The following XDH variants were observed in gnomAD, a reference collection of about 807,000 sequenced individuals.
The protein encoded by XDH is xanthine dehydrogenase/oxidase.
A neutral mutation model predicts 156.1 loss-of-function variants in XDH; 138 were observed. The observed-to-expected ratio is 0.88, with a 90% CI of 0.77 to 1.02. The LOEUF is 1.02. Among genes scored for constraint, XDH ranks in the 50% least tolerant of loss-of-function variants. The probability of loss-of-function intolerance (pLI) is 0.00; values close to 1 mark genes in which losing one functional copy is unlikely to be tolerated. For synonymous variants in XDH, 669 were observed against 625.7 expected, an observed-to-expected ratio of 1.07 and a Z score of -1.03; for missense variants, 1,849 against 1,684.9, an observed-to-expected ratio of 1.10 and a Z score of -1.71.
At chr2:31,408,172 G>C (rs1687242987) in intron 1 of XDH, among the ~76,000 whole-genome samples, 2 of 152,118 alleles carry the variant, frequency 1.3e-5, no homozygotes, top group African/African-American at 2.4e-5. Flanking sequence ...TCCCTGCCAA[G>C]CTGGTCATCT....
intron 6 of XDH, among the ~76,000 whole-genome samples, chr2:31,396,109 C>G (rs1160127619): frequency 6.6e-6 from 1 of 152,158 alleles, no homozygotes; most frequent in African/African-American, 2.4e-5. Context: ...CGGAGACCTC[C>G]GATGAGTAAC....
chr2:31,359,159 G>A (rs1048701726), intron 24 of XDH, among the ~76,000 whole-genome samples: 2 of 152,076 alleles, frequency 1.3e-5, no homozygotes, highest in Non-Finnish European at 2.9e-5. Flanking sequence ...GTGTTACTGA[G>A]GATGTGGAAT....
Position 31,372,454 on chromosome 2 carries a change from G to A in XDH, c.1687-57C>T, listed in dbSNP as rs969633328. On this transcript the variant is annotated intron_variant, in intron 16 of 35. Coordinates refer to ENST00000379416, the MANE Select transcript of XDH (RefSeq NM_000379.4). ...CTGCCAAGGACACTGCCCCTCTATG[G>A]GCCCAGGGGACACTGGTGAGCTTCA... The A allele has an allele frequency of 5.6e-6, 9 of 1,609,948 alleles. No individual in the cohort carries two copies. In the Admixed American group the frequency reaches 1.2e-4, roughly 21 times the overall value.
At chr2:31,398,449 T>C (rs754302400) in intron 5 of XDH, 124 bp downstream of exon 5, 13 of 1,551,082 alleles carry the variant, frequency 8.4e-6, no homozygotes, top group South Asian at 4.5e-5. Context: ...CACCACCTTG[T>C]TGGGGGGCCT....
At chr2:31,337,899 C>T (rs1283721255) in intron 34 of XDH, 82 bp from the exon 35 acceptor site, 2 of 1,504,258 alleles carry the variant, frequency 1.3e-6, no homozygotes, top group East Asian at 2.3e-5. Flanking sequence ...GGAGGCCAGG[C>T]AGCAAACTCT....
chr2:31,345,771 T>C (rs184260884), intron 30 of XDH, among the ~76,000 whole-genome samples: 1 of 152,290 alleles, frequency 6.6e-6, no homozygotes, highest in African/African-American at 2.4e-5. Flanking sequence ...GTGGTTCATT[T>C]ATTGGGGTTA....
At chr2:31,389,158 G>C (rs1215980795) in intron 6 of XDH, among the ~76,000 whole-genome samples, 3 of 152,214 alleles carry the variant, frequency 2.0e-5, no homozygotes, top group Non-Finnish European at 4.4e-5. Context: ...TGAAAAAGCA[G>C]GCTGGGAGCA....
chr2:31,349,036 T>C (rs2148755775), intron 26 of XDH, 56 bp from the exon 27 acceptor site: 3 of 1,490,478 alleles, frequency 2.0e-6, no homozygotes, highest in Non-Finnish European at 2.8e-6. Flanking sequence ...AGGACATGAA[T>C]ATCTTTGGAT....
intron 31 of XDH, among the ~76,000 whole-genome samples, chr2:31,342,585 G>A (rs1214080828): frequency 6.6e-6 from 1 of 152,158 alleles, no homozygotes; most frequent in East Asian, 1.9e-4. Flanking sequence ...AGTAGAAAGA[G>A]AGGTAACAGA....
At chr2:31,363,988 C>A (rs1163368580) in intron 24 of XDH, among the ~76,000 whole-genome samples, 170 bp downstream of exon 24, 1 of 152,080 alleles carries the variant, frequency 6.6e-6, no homozygotes, top group South Asian at 2.1e-4. Context: ...ATAATACGAT[C>A]ATCATTGTGC....
At chr2:31,337,382 T>C (rs1374462584) in intron 35 of XDH, among the ~76,000 whole-genome samples, 2 of 152,138 alleles carry the variant, frequency 1.3e-5, no homozygotes, top group Non-Finnish European at 2.9e-5. Flanking sequence ...AATCTGTGAG[T>C]TATGACTGTG....
In XDH at chr2:31,335,816, T is replaced by G; in HGVS notation, c.*142A>C. 3 of 952,602 alleles carry G rather than the reference T, an allele frequency of 3.1e-6. No homozygotes were observed. The South Asian group carries it at 4.1e-5, about 13-fold the overall frequency. The allele number at this position is 952,602 out of a possible 1,614,324, so 59.0% of individuals were successfully genotyped here. On this transcript the variant is annotated 3_prime_UTR_variant, in exon 36 of 36. Coordinates refer to ENST00000379416, the MANE Select transcript of XDH (RefSeq NM_000379.4). ...TTTTGATCAAAATCTTCCATTGCAT[T>G]CACTTGTCTTCCAAATCCCATCTTG...
intron 12 of XDH, 88 bp from the exon 13 acceptor site, chr2:31,380,064 C>A (rs1686395668): frequency 3.1e-6 from 4 of 1,303,764 alleles, no homozygotes; most frequent in South Asian, 1.2e-5. Context: ...CAGTGGGATT[C>A]TTCATGCTGG....
At chr2:31,392,416 ATTATTTATTTAT>A (rs377227561) in intron 6 of XDH, among the ~76,000 whole-genome samples, 1 of 149,740 alleles carries the variant, frequency 6.7e-6, no homozygotes. Flanking sequence ...TTTTATTTTT[ATTATTTATTTAT>A]TTATTTATTT....
chr2:31,410,593 A>G (rs560508019), intron 1 of XDH, among the ~76,000 whole-genome samples: 12 of 152,366 alleles, frequency 7.9e-5, no homozygotes, highest in African/African-American at 2.6e-4. Flanking sequence ...ATCACAAAAA[A>G]GACCCAAAAA....
At chr2:31,371,357 G>C (rs540329509) in intron 17 of XDH, among the ~76,000 whole-genome samples, 2 of 152,320 alleles carry the variant, frequency 1.3e-5, no homozygotes, top group Non-Finnish European at 2.9e-5. Context: ...ACTCAAGGAA[G>C]TTAGGTAGTT....
At chr2:31,354,081 C>A (rs772427271) in intron 24 of XDH, among the ~76,000 whole-genome samples, 2 of 152,180 alleles carry the variant, frequency 1.3e-5, no homozygotes, top group African/African-American at 2.4e-5. Flanking sequence ...GGTAAAGAGG[C>A]CACCCACACC....
At chr2:31,353,604 G>A (rs1685546267) in intron 24 of XDH, among the ~76,000 whole-genome samples, 1 of 152,144 alleles carries the variant, frequency 6.6e-6, no homozygotes, top group Admixed American at 6.5e-5. Flanking sequence ...ACTTGGGGCA[G>A]GAGCTGGCAA....
chr2:31,346,516 C>T (rs187194848), intron 30 of XDH, among the ~76,000 whole-genome samples: 1 of 152,198 alleles, frequency 6.6e-6, no homozygotes, highest in Admixed American at 6.5e-5. Flanking sequence ...AACCCTGATT[C>T]CCACAAGGCT....
Sources: allele counts gnomAD v4.1 joint callset (sites outside exome capture counted in the v4.1 genomes callset), GRCh38; gene constraint gnomAD v4.1.1; transcripts MANE v1.5; gene names NCBI Gene and HGNC (gene_info 2026-07-23, HGNC 2026-07-21).